Variants in MEX3B observed in about 807,000 individuals in gnomAD.
The protein encoded by MEX3B is mex-3 RNA binding family member B, also known as RNA-binding protein MEX3B.
MEX3B carries 10 observed loss-of-function variants against 12.2 expected under a neutral mutation model. The ratio of observed to expected loss-of-function variants is 0.82; its 90% confidence interval spans 0.51 to 1.40. MEX3B has a LOEUF of 1.40. Ranked by LOEUF, MEX3B falls within the 40% of genes most tolerant of loss-of-function variation. MEX3B has a pLI of 0.00. For missense variants in MEX3B, 839 were observed against 801.4 expected (o/e 1.05, Z -0.57); for synonymous variants, 498 against 356.3 (o/e 1.40, Z -4.48).
In MEX3B at chr15:82,045,779, G is replaced by A. The variant is rs1198573811; in HGVS notation, c.-74C>T. 1.5e-6 allele frequency: 2 copies of A among 1,309,064 alleles called. No homozygotes were observed. The highest frequency in any genetic ancestry group is 1.9e-6 in the Non-Finnish European group (2 of 1,036,466). The allele number at this position is 1,309,064 out of a possible 1,614,324, so 81.1% of individuals were successfully genotyped here. On this transcript the variant is annotated 5_prime_UTR_variant, in exon 1 of 2. Transcript: ENST00000329713. ...AGAAGCTGCGGCCACAAAGGCAGCC[G>A]GGAAGCGGGTGGTCAGGGGCGGGGA... is the stretch of plus-strand genomic sequence containing the variant.
chr15:82,042,983 A>C lies in MEX3B; in HGVS notation c.*177T>G. ...TCCTTTACTTAAAAATTAAATTTTA[A>C]AAATGAGCGGATACTACAGCTTTCC... On this transcript the variant is annotated 3_prime_UTR_variant, in exon 2 of 2. Coordinates refer to ENST00000329713, the MANE Select transcript of MEX3B (RefSeq NM_032246.6). The C allele has an allele frequency of 2.1e-6, 1 of 471,964 alleles. No individual in the cohort carries two copies. The highest frequency in any genetic ancestry group is 3.4e-5 in the East Asian group (1 of 29,076). The allele number at this position is 471,964 out of a possible 1,614,324, so 29.2% of individuals were successfully genotyped here. A position where few individuals can be genotyped will look rare whatever the true frequency, so the allele number is the denominator to read the frequency against.
Position 82,043,915 on chromosome 15 carries a change from T to C in MEX3B, c.955A>G (p.Ser319Gly), listed in dbSNP as rs1278608234. ...AAGCTCAGGGCGGGGCTAGGGGGGC[T>C]GTAGTCCGCCAGGCGCTGGGTAGCC... is the stretch of plus-strand genomic sequence containing the variant. ...AAATQRLADY[S>G]PPSPALSFAH... The change falls in exon 2 of 2, where the codon AGC becomes GGC. Residue 319 changes from serine (S) to glycine (G), a missense_variant. By Grantham distance (56) the Ser-to-Gly change is moderately conservative (BLOSUM62 0). Transcript: ENST00000329713. 3 of 1,599,446 alleles carry C rather than the reference T, an allele frequency of 1.9e-6. No homozygotes were observed. Among genetic ancestry groups the C allele is most frequent in the Admixed American group, 1.7e-5 (1 of 59,074 alleles).
chr15:82,045,136 T>A (rs974420641), intron 1 of MEX3B: 14 of 605,680 alleles, frequency 2.3e-5, no homozygotes, highest in Non-Finnish European at 4.1e-5. Context: ...CCCAAAGGAC[T>A]GATCAAAGGC....
At position 82,043,376 on chromosome 15, in the gene MEX3B, G is replaced by A. The variant is rs1248714305; in HGVS notation, c.1494C>T (p.Ser498=). The A allele has an allele frequency of 6.3e-7, 1 of 1,587,934 alleles. No homozygotes were observed. The highest frequency in any genetic ancestry group is 8.6e-7 in the Non-Finnish European group (1 of 1,167,276). ...AAGAGGATGAAGAGCTGGAGGAGGA[G>A]CTGGACGAAGAGGAGGAGCCCGACG... ...SDTSGSSSSS[S]SSSSSSSSSS... is the part of the protein sequence containing the mutation. The change falls in exon 2 of 2, where the codon AGC becomes AGT. Residue 498 remains serine (S), a synonymous_variant. Transcript: ENST00000329713.
Position 82,044,197 on chromosome 15 carries a change from T to C in MEX3B, c.673A>G (p.Ile225Val), listed in dbSNP as rs764070967. Residue 225 changes from isoleucine to valine, a missense_variant, in exon 2 of 2, where the codon ATT (isoleucine) becomes GTT (valine). Ile to Val is a conservative substitution (Grantham distance 29). Around this residue, in one of 3 missense-constraint regions of MEX3B, gnomAD observed 573 missense variants for 488.9 expected, o/e 1.17. Transcript: ENST00000329713. The surrounding 1 kb of genome is among the most constrained non-coding windows in gnomAD (Gnocchi z 5.3). The stretch of plus-strand genomic sequence containing the variant: ...ATGATGCCGCCGGTACGCAGAGCAA[T>C]GTGCGCCTCAATCTCCTCTCGAGCG... Reference protein sequence around the residue: ...DRAREEIEAHIALRTGGIIEL... With the variant: ...DRAREEIEAHVALRTGGIIEL... 19 of 1,613,928 alleles carry C rather than the reference T, an allele frequency of 1.2e-5. No individual in the cohort carries two copies. The highest frequency in any genetic ancestry group is 1.7e-5 in the Admixed American group (1 of 60,016).
intron 1 of MEX3B, 26 bp downstream of exon 1, chr15:82,045,424 C>CCCCAACCCCA: frequency 1.9e-6 from 3 of 1,546,376 alleles, no homozygotes; most frequent in Non-Finnish European, 2.7e-6. Context: ...CACCCCCACC[C>CCCCAACCCCA]ACCTCCCCAT....
chr15:82,045,530 G>A lies in MEX3B; in HGVS notation c.176C>T (p.Pro59Leu). ...GGTCATGTTCACGCTCTTCTTGCGCGGCTCGCTGTCGTACAGAGAGGCGCC... is the reference window on the plus strand; with the variant it reads ...GGTCATGTTCACGCTCTTCTTGCGCAGCTCGCTGTCGTACAGAGAGGCGCC... Reference protein sequence around the residue: ...DEGASLYDSEPRKKSVNMTEC... With the variant: ...DEGASLYDSELRKKSVNMTEC... Residue 59 changes from proline (P) to leucine (L), a missense_variant, in exon 1 of 2, where the codon CCG becomes CTG. Around this residue, in one of 3 missense-constraint regions of MEX3B, gnomAD observed 214 missense variants for 223.8 expected, o/e 0.96. Transcript: ENST00000329713. 1.9e-6 allele frequency: 3 copies of A among 1,612,466 alleles called. No individual in the cohort carries two copies. Among genetic ancestry groups the A allele is most frequent in the Non-Finnish European group, 2.5e-6 (3 of 1,179,830 alleles).
rs1413939679 is a variant in MEX3B, at chr15:82,042,348, T to C, written c.*812A>G. ...TTTTATGGTTGTAATTCCGTCACAATTGTGTGATTATTAAAATAATACAGT... is the reference window on the plus strand; with the variant it reads ...TTTTATGGTTGTAATTCCGTCACAACTGTGTGATTATTAAAATAATACAGT... On this transcript the variant is annotated 3_prime_UTR_variant, in exon 2 of 2. Transcript: ENST00000329713. 1.3e-5 allele frequency: 2 copies of C among 152,634 alleles called. No individual in the cohort carries two copies. The highest frequency in any genetic ancestry group is 1.9e-4 in the East Asian group (1 of 5,208). 9.5% of individuals were successfully genotyped at this position (152,634 alleles called of 1,614,324 possible). A position where few individuals can be genotyped will look rare whatever the true frequency, so the allele number is the denominator to read the frequency against.
At position 82,044,104 on chromosome 15, in the gene MEX3B, A is replaced by T; in HGVS notation, c.766T>A (p.Ser256Thr). ...TDVGFDLHHG[S>T]GGSGPGSLWS... is the part of the protein sequence containing the mutation. ...AGGCTGCCTGGGCCGGACCCGCCGG[A>T]CCCATGATGCAGATCGAAGCCCACA... Residue 256 changes from serine (S) to threonine (T), a missense_variant, in exon 2 of 2, where the codon TCC (serine) becomes ACC (threonine). Around this residue, in one of 3 missense-constraint regions of MEX3B, gnomAD observed 573 missense variants for 488.9 expected, o/e 1.17. Transcript: ENST00000329713. The surrounding 1 kb of genome is among the most constrained non-coding windows in gnomAD (Gnocchi z 5.3). 4.3e-6 allele frequency: 7 copies of T among 1,612,776 alleles called. No homozygotes were observed. Among genetic ancestry groups the T allele is most frequent in the Non-Finnish European group, 5.9e-6 (7 of 1,179,920 alleles).
Position 82,043,189 on chromosome 15 carries a change from C to T in MEX3B, c.1681G>A (p.Val561Ile). 1.3e-6 allele frequency: 2 copies of T among 1,553,346 alleles called. No homozygotes were observed. Among genetic ancestry groups the T allele is most frequent in the African/African-American group, 1.4e-5 (1 of 73,316 alleles). The change falls in exon 2 of 2, where the codon GTC becomes ATC. Residue 561 changes from valine (V) to isoleucine (I), a missense_variant. By Grantham distance (29) the Val-to-Ile change is conservative. This residue lies in a region of MEX3B where 573 missense variants were observed against 488.9 expected (regional missense o/e 1.17). Coordinates refer to ENST00000329713, the MANE Select transcript of MEX3B (RefSeq NM_032246.6). ...EPECPVCHTA[V>I]TQAIRIFS The stretch of plus-strand genomic sequence containing the variant: ...GAAAAGATGCGGATGGCCTGAGTGA[C>T]CGCGGTGTGGCAGACCGGGCACTCG...
At position 82,044,653 on chromosome 15, in the gene MEX3B, A is replaced by G. The variant is rs1395054094; in HGVS notation, c.257-40T>C. 6.2e-7 allele frequency: 1 copy of G among 1,601,868 alleles called. No individual in the cohort carries two copies. Among genetic ancestry groups the G allele is most frequent in the Middle Eastern group, 1.7e-4 (1 of 6,048 alleles). On this transcript the variant is annotated intron_variant, in intron 1 of 1. Coordinates refer to ENST00000329713, the MANE Select transcript of MEX3B (RefSeq NM_032246.6). The surrounding 1 kb of genome is among the most constrained non-coding windows in gnomAD (Gnocchi z 5.3). ...GCGGAGGAGGGAGTGGGAGAGAGAG[A>G]CAGACACGCCCATTATCCTGGGGTA... is the stretch of plus-strand genomic sequence containing the variant.
At chr15:82,045,047 C>T (rs891477233) in intron 1 of MEX3B, 2 of 592,960 alleles carry the variant, frequency 3.4e-6, no homozygotes, top group South Asian at 2.0e-5. Context: ...ACCCATTGTT[C>T]CTCCTCTGGG....
chr15:82,043,010 A>T lies in MEX3B; in HGVS notation c.*150T>A. 1 of 572,668 alleles carries T rather than the reference A, an allele frequency of 1.7e-6. No individual in the cohort carries two copies. Among genetic ancestry groups the T allele is most frequent in the Non-Finnish European group, 2.7e-6 (1 of 373,676 alleles). 35.5% of individuals were successfully genotyped at this position (572,668 alleles called of 1,614,324 possible). A position where few individuals can be genotyped will look rare whatever the true frequency, so the allele number is the denominator to read the frequency against. On this transcript the variant is annotated 3_prime_UTR_variant, in exon 2 of 2. Coordinates refer to ENST00000329713, the MANE Select transcript of MEX3B (RefSeq NM_032246.6). ...AATGAGCGGATACTACAGCTTTCCA[A>T]GCTCCTCTCGGATCTCAGAGTGTTG...
rs368169259 is a variant in MEX3B at position 82,044,231 on chromosome 15, G to A, written c.639C>T (p.Asn213=). ...CAATCTCCTCTCGAGCGCGATCCAC[G>A]TTCTCTGGCATGCCGGTCACCTCGA... ...PVFEVTGMPE[N]VDRAREEIEA... is the part of the protein sequence containing the mutation. The change falls in exon 2 of 2, where the codon AAC becomes AAT. Residue 213 remains asparagine (N), a synonymous_variant. Transcript: ENST00000329713. The surrounding 1 kb of genome is among the most constrained non-coding windows in gnomAD (Gnocchi z 5.3). The A allele has an allele frequency of 8.7e-6, 14 of 1,613,948 alleles. No individual in the cohort carries two copies. Among genetic ancestry groups the A allele is most frequent in the Non-Finnish European group, 1.2e-5 (14 of 1,180,040 alleles).
chr15:82,044,507 G>A lies in MEX3B; in HGVS notation c.363C>T (p.Ala121=), dbSNP rs1478508710. Reference sequence around the variant, plus strand: ...CAGAGATGATCTCCCTCCGAGCCATGGCCACATCCTCCTTCCTGCCCGTCA... The same window carrying A: ...CAGAGATGATCTCCCTCCGAGCCATAGCCACATCCTCCTTCCTGCCCGTCA... ...FVVTGRKEDV[A]MARREIISAA... is the part of the protein sequence containing the mutation. Residue 121 remains alanine, a synonymous_variant, in exon 2 of 2, where the codon GCC becomes GCT. Transcript: ENST00000329713. This position sits in a 1 kb window ranked among gnomAD's most constrained non-coding sequence, Gnocchi z 5.3. 1 of 1,614,014 alleles carries A rather than the reference G, an allele frequency of 6.2e-7. No homozygotes were observed. Among genetic ancestry groups the A allele is most frequent in the Non-Finnish European group, 8.5e-7 (1 of 1,180,042 alleles).
rs2073243239 is a variant in MEX3B at position 82,044,394 on chromosome 15, C to G, written c.476G>C (p.Gly159Ala). The G allele has an allele frequency of 6.2e-7, 1 of 1,611,134 alleles. No homozygotes were observed. The highest frequency in any genetic ancestry group is 8.5e-7 in the Non-Finnish European group (1 of 1,179,374). ...GAVPGPPNLP[G>A]QTTIQVRVPY... The stretch of plus-strand genomic sequence containing the variant: ...TACCCGCACTTGGATGGTGGTCTGC[C>G]CGGGCAGGTTGGGCGGCCCAGGCAC... The change falls in exon 2 of 2, where the codon GGG becomes GCG. Residue 159 changes from glycine to alanine, a missense_variant. Coordinates refer to ENST00000329713, the MANE Select transcript of MEX3B (RefSeq NM_032246.6). The surrounding 1 kb of genome is among the most constrained non-coding windows in gnomAD (Gnocchi z 5.3).
At position 82,043,117 on chromosome 15, in the gene MEX3B, C is replaced by T; in HGVS notation, c.*43G>A. 1.4e-6 allele frequency: 2 copies of T among 1,436,658 alleles called. No homozygotes were observed. Among genetic ancestry groups the T allele is most frequent in the Non-Finnish European group, 1.8e-6 (2 of 1,095,702 alleles). 89.0% of individuals were successfully genotyped at this position (1,436,658 alleles called of 1,614,324 possible). On this transcript the variant is annotated 3_prime_UTR_variant, in exon 2 of 2. Coordinates refer to ENST00000329713, the MANE Select transcript of MEX3B (RefSeq NM_032246.6). Reference sequence around the variant, plus strand: ...GGGGAAAGAGGGTGGGGAGGGGTTCCCCCTTCCCCCAGCACGGTGCGCACT... The same window carrying T: ...GGGGAAAGAGGGTGGGGAGGGGTTCTCCCTTCCCCCAGCACGGTGCGCACT...
rs1166226608 is a variant in MEX3B, at chr15:82,045,442, C to T, written c.256+8G>A. 6 of 1,601,356 alleles carry T rather than the reference C, an allele frequency of 3.7e-6. No individual in the cohort carries two copies. The highest frequency in any genetic ancestry group is 5.1e-6 in the Non-Finnish European group (6 of 1,173,268). Reference sequence around the variant, plus strand: ...CCCCACCCACCTCCCCATCCCTCCTCGACCTACCTTGCCGCCCCACGATCT... The same window carrying T: ...CCCCACCCACCTCCCCATCCCTCCTTGACCTACCTTGCCGCCCCACGATCT... On this transcript the variant is annotated splice_region_variant and intron_variant, in intron 1 of 1. Coordinates refer to ENST00000329713, the MANE Select transcript of MEX3B (RefSeq NM_032246.6).
Position 82,044,649 on chromosome 15 carries a change from A to T in MEX3B, c.257-36T>A. ...GGGTGCGGAGGAGGGAGTGGGAGAG[A>T]GAGACAGACACGCCCATTATCCTGG... On this transcript the variant is annotated intron_variant, in intron 1 of 1. Transcript: ENST00000329713. This position sits in a 1 kb window ranked among gnomAD's most constrained non-coding sequence, Gnocchi z 5.3. 6.2e-7 allele frequency: 1 copy of T among 1,605,396 alleles called. No individual in the cohort carries two copies. The highest frequency in any genetic ancestry group is 1.3e-5 in the African/African-American group (1 of 74,866).
Sources: gnomAD v4.1 joint callset for allele counts on GRCh38, gnomAD v4.1.1 for gene constraint, gnomAD v4.1.1 regional missense constraint, Gnocchi (gnomAD v3.1) non-coding constraint, MANE v1.5 for transcripts, NCBI Gene and HGNC (gene_info 2026-07-23, HGNC 2026-07-21) for gene names.